METTL22: variants seen among roughly 807,000 people sequenced by gnomAD.
METTL22 encodes the protein methyltransferase 22, Kin17 lysine.
A neutral mutation model predicts 48.4 loss-of-function variants in METTL22; 51 were observed. The ratio of observed to expected loss-of-function variants is 1.05; its 90% confidence interval spans 0.84 to 1.33. METTL22 has a LOEUF of 1.33. Ranked by LOEUF, METTL22 falls within the 40% of genes most tolerant of loss-of-function variation. The pLI, the probability that METTL22 is intolerant of heterozygous loss-of-function variation, is 0.00. For missense variants in METTL22, 678 were observed against 526.9 expected (o/e 1.29, Z -2.81); for synonymous variants, 255 against 214.1 (o/e 1.19, Z -1.67).
chr16:8,628,525 C>T (rs1390591491), intron 2 of METTL22, among the ~76,000 whole-genome samples: 3 of 152,076 alleles, frequency 2.0e-5, no homozygotes, highest in Non-Finnish European at 4.4e-5. Context: ...CATGAAATGG[C>T]GGCTGCTCTT....
chr16:8,649,918 C>T (rs146422179), downstream of METTL22, among the ~76,000 whole-genome samples: 26 of 152,290 alleles, frequency 1.7e-4, no homozygotes, highest in East Asian at 4.8e-3. Flanking sequence ...CTGACTCAGG[C>T]CCTGGATGTG....
intron 3 of METTL22, among the ~76,000 whole-genome samples, chr16:8,632,307 A>C (rs1181358384): frequency 6.6e-6 from 1 of 152,314 alleles, no homozygotes; most frequent in East Asian, 1.9e-4. Context: ...CAGAAAGCAC[A>C]TCTTAGATCA....
chr16:8,642,018 A>T lies in METTL22; in HGVS notation c.827-109A>T, dbSNP rs1393393315. 4.9e-5 allele frequency: 41 copies of T among 837,750 alleles called. No individual in the cohort carries two copies. In the East Asian group the frequency reaches 9.9e-4, roughly 20 times the overall value. The allele number at this position is 837,750 out of a possible 1,614,324, so 51.9% of individuals were successfully genotyped here. On this transcript the variant is annotated intron_variant, in intron 7 of 10. Coordinates refer to ENST00000381920, the MANE Select transcript of METTL22 (RefSeq NM_024109.4). Reference sequence around the variant, plus strand: ...CTGGTGGTGCCCACTGCACCGAGCTACCCCCAGCCCTGTTTCTTCTCTTGA... The same window carrying T: ...CTGGTGGTGCCCACTGCACCGAGCTTCCCCCAGCCCTGTTTCTTCTCTTGA...
the METTL22 span, among the ~76,000 whole-genome samples, chr16:8,664,411 G>A: frequency 3.3e-5 from 5 of 151,906 alleles, no homozygotes; most frequent in African/African-American, 1.2e-4. Context: ...CTCCCAAAGT[G>A]TTGGGATTAC....
chr16:8,631,543 G>C (rs146578103), intron 3 of METTL22: 1 of 152,214 alleles, frequency 6.6e-6, no homozygotes, highest in Non-Finnish European at 1.5e-5. Context: ...AGCTCTTAGC[G>C]TAATGCCTGG....
chr16:8,655,250 C>T, the METTL22 span, among the ~76,000 whole-genome samples: 2 of 152,210 alleles, frequency 1.3e-5, no homozygotes, highest in African/African-American at 4.8e-5. Context: ...AGGAGTTCAG[C>T]TGTGGTCTCA....
rs879528807 is a variant in METTL22, at chr16:8,647,788, C to T, written c.*1645C>T. ...TCTGGGAGCAAGAAGAAAACCTATG[C>T]ATGTACGTTATTATAAATCTTCAAA... On this transcript the variant is annotated 3_prime_UTR_variant, in exon 11 of 11. Coordinates refer to ENST00000381920, the MANE Select transcript of METTL22 (RefSeq NM_024109.4). 3.9e-5 allele frequency: 6 copies of T among 152,236 alleles called. No individual in the cohort carries two copies. The highest frequency in any genetic ancestry group is 8.8e-5 in the Non-Finnish European group (6 of 68,052). The allele number at this position is 152,236 out of a possible 1,614,324, so 9.4% of individuals were successfully genotyped here. A position where few individuals can be genotyped will look rare whatever the true frequency, so the allele number is the denominator to read the frequency against.
chr16:8,646,404 G>C lies in METTL22; in HGVS notation c.*261G>C, dbSNP rs1045671281. The C allele has an allele frequency of 7.4e-6, 5 of 678,314 alleles. No individual in the cohort carries two copies. The highest frequency in any genetic ancestry group is 7.1e-5 in the African/African-American group (4 of 56,730). 42.0% of individuals were successfully genotyped at this position (678,314 alleles called of 1,614,324 possible). A position where few individuals can be genotyped will look rare whatever the true frequency, so the allele number is the denominator to read the frequency against. ...GATGTGTGCTCCAGGGTCAAGCCGA[G>C]CCACGTTCCTTCTCAGCTCAGTTCC... On this transcript the variant is annotated 3_prime_UTR_variant, in exon 11 of 11. Transcript: ENST00000381920.
intron 3 of METTL22, among the ~76,000 whole-genome samples, chr16:8,631,067 T>C (rs1365520620): frequency 6.6e-6 from 1 of 152,198 alleles, no homozygotes; most frequent in African/African-American, 2.4e-5. Flanking sequence ...TATTGAAACA[T>C]GCCCAGTGAG....
At chr16:8,630,183 C>G (rs569681920) in intron 3 of METTL22, among the ~76,000 whole-genome samples, 1 of 76,648 alleles carries the variant, frequency 1.3e-5, no homozygotes, top group East Asian at 7.1e-4. Flanking sequence ...AACAGCAGCT[C>G]TGTATCTATC....
rs1407928369 is a variant in METTL22, at chr16:8,644,455, G to A, written c.1011-102G>A. 4.2e-6 allele frequency: 5 copies of A among 1,197,844 alleles called. No individual in the cohort carries two copies. In the South Asian group the frequency reaches 6.1e-5, roughly 15 times the overall value. The allele number at this position is 1,197,844 out of a possible 1,614,324, so 74.2% of individuals were successfully genotyped here. The stretch of plus-strand genomic sequence containing the variant: ...GGCGCTCAGTAAAAGCCCGTCCAGG[G>A]GATATGAGATCAGTGAGGGATAGGA... On this transcript the variant is annotated intron_variant, in intron 9 of 10. Transcript: ENST00000381920.
intron 8 of METTL22, 80 bp from the exon 9 acceptor site, chr16:8,642,383 C>A: frequency 2.2e-6 from 3 of 1,371,596 alleles, no homozygotes; most frequent in South Asian, 1.2e-5. Flanking sequence ...AGCATTCTCT[C>A]TGTGCGGATT....
the METTL22 span, among the ~76,000 whole-genome samples, chr16:8,658,579 C>A: frequency 6.6e-6 from 1 of 152,198 alleles, no homozygotes; most frequent in Non-Finnish European, 1.5e-5. Flanking sequence ...TGCCTCATAT[C>A]CTCAGGTGAA....
chr16:8,643,341 TAA>T (rs1372945898), intron 9 of METTL22, among the ~76,000 whole-genome samples: 1 of 152,236 alleles, frequency 6.6e-6, no homozygotes, highest in Admixed American at 6.5e-5. Context: ...CCTGATTTCA[TAA>T]ACTGTAAAGG....
the METTL22 span, among the ~76,000 whole-genome samples, chr16:8,663,483 T>C: frequency 1.3e-5 from 2 of 152,114 alleles, no homozygotes; most frequent in East Asian, 3.9e-4. Flanking sequence ...TGACAACACA[T>C]ACCTGGATGT....
At chr16:8,656,579 G>A in the METTL22 span, among the ~76,000 whole-genome samples, 1 of 152,238 alleles carries the variant, frequency 6.6e-6, no homozygotes, top group African/African-American at 2.4e-5. Context: ...GGGAGAGGAG[G>A]TTTGAGACTC....
chr16:8,630,653 T>A (rs953776835), intron 3 of METTL22, among the ~76,000 whole-genome samples: 1 of 152,180 alleles, frequency 6.6e-6, no homozygotes, highest in African/African-American at 2.4e-5. Context: ...GTGAATGTTC[T>A]GGGAATTTAC....
intron 5 of METTL22, among the ~76,000 whole-genome samples, chr16:8,638,462 A>G (rs142662937): frequency 7.0e-4 from 107 of 152,340 alleles, no homozygotes; most frequent in African/African-American, 2.4e-3. Flanking sequence ...AGTTCTTGAA[A>G]TGATGAGAAA....
At position 8,631,205 on chromosome 16, in the gene METTL22, T is replaced by C. The variant is rs371075765; in HGVS notation, c.514+2095T>C. On this transcript the variant is annotated intron_variant, in intron 3 of 10. Transcript: ENST00000381920. Reference sequence around the variant, plus strand: ...TAGACCCATTTGAGAAACTGGTTTTTCTAAAGAAAAAGAAAAATAGGTGTT... The same window carrying C: ...TAGACCCATTTGAGAAACTGGTTTTCCTAAAGAAAAAGAAAAATAGGTGTT... 1.2e-4 allele frequency: 19 copies of C among 152,332 alleles called. 2 individuals carry two copies. Among genetic ancestry groups the C allele is most frequent in the African/African-American group, 4.6e-4 (19 of 41,572 alleles). 9.4% of individuals were successfully genotyped at this position (152,332 alleles called of 1,614,324 possible).
Sources: allele counts gnomAD v4.1 joint callset (sites outside exome capture counted in the v4.1 genomes callset), GRCh38; gene constraint gnomAD v4.1.1; transcripts MANE v1.5; gene names NCBI Gene and HGNC (gene_info 2026-07-23, HGNC 2026-07-21).